Variants in LZTFL1 observed in about 807,000 individuals in gnomAD.
The protein encoded by LZTFL1 is leucine zipper transcription factor-like protein 1.
A neutral mutation model predicts 45.9 loss-of-function variants in LZTFL1; 25 were observed. That is an observed-to-expected ratio of 0.54 (90% confidence interval 0.40 to 0.76). The LOEUF is 0.76. Ranked by LOEUF, LZTFL1 falls within the 30% of genes least tolerant of loss-of-function variation. The probability of loss-of-function intolerance (pLI) is 0.00; values close to 1 mark genes in which losing one functional copy is unlikely to be tolerated. For synonymous variants in LZTFL1, 93 were observed against 117.4 expected, an observed-to-expected ratio of 0.79 and a Z score of 1.35; for missense variants, 277 against 331.1, an observed-to-expected ratio of 0.84 and a Z score of 1.27.
Position 45,894,946 on chromosome 3 carries a change from G to T in LZTFL1, c.-215+18174C>A, listed in dbSNP as rs1401310185. On this transcript the variant is annotated intron_variant, in intron 2 of 4. Transcript: ENST00000472635. ...TGACTGACCCACCATGACACCCACA[G>T]ACTTCACAGTGAGTACAGCCGTGCT... The T allele has an allele frequency of 3.7e-6, 6 of 1,613,962 alleles. No homozygotes were observed. In the South Asian group the frequency reaches 6.6e-5, roughly 18 times the overall value.
At chr3:45,861,462 C>T (rs568566073) in intron 2 of LZTFL1, among the ~76,000 whole-genome samples, 3 of 152,224 alleles carry the variant, frequency 2.0e-5, no homozygotes, top group Non-Finnish European at 4.4e-5. Flanking sequence ...TGGCTGCTAG[C>T]CTACAATAAA....
chr3:45,911,433 G>T (rs1208052026), intron 2 of LZTFL1, among the ~76,000 whole-genome samples: 1 of 152,252 alleles, frequency 6.6e-6, no homozygotes, highest in East Asian at 1.9e-4. Context: ...TTGAGGCACA[G>T]AGTAGCTAAG....
chr3:45,831,368 A>C (rs949140991), intron 5 of LZTFL1, among the ~76,000 whole-genome samples: 5 of 152,076 alleles, frequency 3.3e-5, no homozygotes, highest in Non-Finnish European at 7.4e-5. Context: ...AGTTTCTCAG[A>C]CACATCTTCC....
intron 2 of LZTFL1, among the ~76,000 whole-genome samples, chr3:45,869,901 G>T (rs1701643017): frequency 6.6e-6 from 1 of 152,268 alleles, no homozygotes; most frequent in South Asian, 2.1e-4. Context: ...GGCTCCTCCA[G>T]TGGGTCTGCC....
At chr3:45,889,360 T>C (rs1393789023) in intron 2 of LZTFL1, among the ~76,000 whole-genome samples, 2 of 152,190 alleles carry the variant, frequency 1.3e-5, no homozygotes, top group Non-Finnish European at 2.9e-5. Flanking sequence ...CTTAGTTGCA[T>C]AAAGTAGCCT....
chr3:45,850,022 G>A (rs542432336), intron 4 of LZTFL1, among the ~76,000 whole-genome samples: 1 of 152,264 alleles, frequency 6.6e-6, no homozygotes, highest in African/African-American at 2.4e-5. Flanking sequence ...CACATAAGAA[G>A]GTTCTATTTG....
chr3:45,901,639 T>C lies in LZTFL1; in HGVS notation c.-215+11481A>G, dbSNP rs748024359. The C allele has an allele frequency of 3.1e-6, 5 of 1,614,054 alleles. No homozygotes were observed. Among genetic ancestry groups the C allele is most frequent in the African/African-American group, 2.7e-5 (2 of 74,946 alleles). On this transcript the variant is annotated intron_variant, in intron 2 of 4. Transcript: ENST00000472635. The surrounding 1 kb of genome is among the most constrained non-coding windows in gnomAD (Gnocchi z 4.3). ...GTGCAGACCATTGACGCCTATGCCA[T>C]GTTCATCTCCAACTGTGCCGTTTCC...
intron 5 of LZTFL1, 160 bp downstream of exon 5, chr3:45,832,890 A>G (rs1559402749): frequency 1.7e-6 from 1 of 582,292 alleles, no homozygotes; most frequent in Non-Finnish European, 3.1e-6. Flanking sequence ...AAGGTTAAGT[A>G]TGCCCTCTTC....
chr3:45,839,321 C>T (rs1028549894), intron 1 of LZTFL1, among the ~76,000 whole-genome samples: 3 of 152,152 alleles, frequency 2.0e-5, no homozygotes, highest in African/African-American at 7.2e-5. Context: ...ATCTCCTGAC[C>T]TCGTGATCCA....
chr3:45,865,409 C>T (rs1188132856), intron 2 of LZTFL1, among the ~76,000 whole-genome samples: 2 of 152,242 alleles, frequency 1.3e-5, no homozygotes, highest in Non-Finnish European at 2.9e-5. Flanking sequence ...AGAGTTAGAG[C>T]AACAGAGCTC....
At chr3:45,842,157 A>G (rs1307684372), upstream of LZTFL1, 14 of 1,493,132 alleles carry the variant, frequency 9.4e-6, no homozygotes, top group Admixed American at 1.7e-4. Flanking sequence ...GACTGCAATT[A>G]TGCATTTTCA....
chr3:45,874,920 T>C (rs1356230751), intron 2 of LZTFL1, among the ~76,000 whole-genome samples: 1 of 152,222 alleles, frequency 6.6e-6, no homozygotes, highest in African/African-American at 2.4e-5. Context: ...CATCATCCCG[T>C]ACAGCTAACC....
chr3:45,908,047 T>C lies in LZTFL1; in HGVS notation c.-215+5073A>G, dbSNP rs60760320. 6.0e-3 allele frequency among the ~76,000 whole-genome samples: 921 copies of C among 152,276 alleles called. 10 individuals are homozygous for C. The highest frequency in any genetic ancestry group is 0.02 in the African/African-American group (845 of 41,558). On this transcript the variant is annotated intron_variant, in intron 2 of 4. Transcript: ENST00000472635. Reference sequence around the variant, plus strand: ...AGCTGGGTGGATTAAGGATGACCTATAGGAAGCAGGGGAGAAAGGAGCAAC... The same window carrying C: ...AGCTGGGTGGATTAAGGATGACCTACAGGAAGCAGGGGAGAAAGGAGCAAC...
At chr3:45,881,545 G>A (rs943496569) in intron 2 of LZTFL1, among the ~76,000 whole-genome samples, 7 of 152,038 alleles carry the variant, frequency 4.6e-5, no homozygotes, top group African/African-American at 2.4e-5. Flanking sequence ...AGCTGACACC[G>A]CGACCTTCAA....
At position 45,863,736 on chromosome 3, in the gene LZTFL1, C is replaced by T. The variant is rs144571851; in HGVS notation, c.-214-4720G>A. 4.5e-4 allele frequency among the ~76,000 whole-genome samples: 69 copies of T among 152,296 alleles called. 1 individual carries two copies. In the East Asian group the frequency reaches 6.2e-3, roughly 14 times the overall value. On this transcript the variant is annotated intron_variant, in intron 2 of 4. Coordinates refer to the LZTFL1 transcript ENST00000472635. ...GGCAAGCAATGTAGGGGGCCTCTATCGGCCACTGGCCAAGCAGCTGCAATA... is the reference window on the plus strand; with the variant it reads ...GGCAAGCAATGTAGGGGGCCTCTATTGGCCACTGGCCAAGCAGCTGCAATA...
chr3:45,880,168 G>GT (rs1222478454), intron 2 of LZTFL1, among the ~76,000 whole-genome samples: 1 of 152,128 alleles, frequency 6.6e-6, no homozygotes, highest in Non-Finnish European at 1.5e-5. Flanking sequence ...AGGTTTTGCT[G>GT]TTTTTTTGTT....
chr3:45,892,389 A>G (rs1264392906), intron 2 of LZTFL1, among the ~76,000 whole-genome samples: 1 of 152,244 alleles, frequency 6.6e-6, no homozygotes. Flanking sequence ...CATAAAAAAG[A>G]ACAAGATCCT....
At chr3:45,903,350 T>TA (rs1311394586) in intron 2 of LZTFL1, 4 of 152,894 alleles carry the variant, frequency 2.6e-5, no homozygotes, top group Non-Finnish European at 5.9e-5. Context: ...GATCTCCAAA[T>TA]ACCTTAAAAC....
intron 4 of LZTFL1, among the ~76,000 whole-genome samples, chr3:45,853,150 A>G (rs1179628453): frequency 2.0e-5 from 3 of 152,198 alleles, no homozygotes; most frequent in Admixed American, 6.5e-5. Flanking sequence ...AACCCTTTTC[A>G]TGAGCTTTCT....
Sources: gnomAD v4.1 joint callset for allele counts (sites outside exome capture counted in the v4.1 genomes callset) on GRCh38, gnomAD v4.1.1 for gene constraint, Gnocchi (gnomAD v3.1) non-coding constraint, MANE v1.5 for transcripts, NCBI Gene and HGNC (gene_info 2026-07-23, HGNC 2026-07-21) for gene names.